Variants in FAAH observed in about 807,000 individuals in gnomAD.
The protein encoded by FAAH is fatty acid amide hydrolase.
Under a neutral mutation model 69.7 loss-of-function variants are expected in FAAH, and 63 were observed. That is an observed-to-expected ratio of 0.90 (90% confidence interval 0.74 to 1.12). The LOEUF is 1.12. Among genes scored for constraint, FAAH ranks in the 50% most tolerant of loss-of-function variants. The pLI, the probability that FAAH is intolerant of heterozygous loss-of-function variation, is 0.00. For synonymous variants in FAAH, 305 were observed against 324.2 expected, an observed-to-expected ratio of 0.94 and a Z score of 0.64; for missense variants, 680 against 755.0, an observed-to-expected ratio of 0.90 and a Z score of 1.16.
chr1:46,407,253 G>A (rs769515825), intron 7 of FAAH, among the ~76,000 whole-genome samples: 1 of 152,062 alleles, frequency 6.6e-6, no homozygotes, highest in African/African-American at 2.4e-5. Context: ...GGAAGGGTGG[G>A]GAGATCTGCT....
intron 1 of FAAH, among the ~76,000 whole-genome samples, chr1:46,398,437 C>T (rs999102841): frequency 6.6e-5 from 10 of 152,170 alleles, no homozygotes; most frequent in African/African-American, 2.4e-4. Flanking sequence ...AAGGGGGCAC[C>T]TGAGATAAGC....
In FAAH at chr1:46,413,092, A is replaced by C. The variant is rs367637501; in HGVS notation, c.1483A>C (p.Met495Leu). The change falls in exon 14 of 15, where the codon ATG becomes CTG. Residue 495 changes from methionine (M) to leucine (L), a missense_variant. Transcript: ENST00000243167. ...TGTTCCAGGGGCCGTCAGCTACACT[A>C]TGCTGTACAACTGCCTGGACTTCCC... Reference protein sequence around the residue: ...GRATGAVSYTMLYNCLDFPAG... With the variant: ...GRATGAVSYTLLYNCLDFPAG... 6.2e-7 allele frequency: 1 copy of C among 1,614,124 alleles called. No homozygotes were observed. Among genetic ancestry groups the C allele is most frequent in the Middle Eastern group, 1.6e-4 (1 of 6,062 alleles).
At chr1:46,398,715 G>A (rs1664644092) in intron 1 of FAAH, among the ~76,000 whole-genome samples, 1 of 151,676 alleles carries the variant, frequency 6.6e-6, no homozygotes, top group South Asian at 2.1e-4. Flanking sequence ...TTGCATTTTT[G>A]GTAGAGACAG....
chr1:46,402,543 G>A (rs1262942488), intron 2 of FAAH, among the ~76,000 whole-genome samples: 7 of 152,056 alleles, frequency 4.6e-5, no homozygotes, highest in East Asian at 1.9e-4. Flanking sequence ...ATGGAGTTTC[G>A]CTCTTGTTGT....
intron 1 of FAAH, among the ~76,000 whole-genome samples, chr1:46,399,189 G>A (rs1228001311): frequency 1.3e-5 from 2 of 152,200 alleles, no homozygotes; most frequent in African/African-American, 4.8e-5. Flanking sequence ...TGGCATTGTG[G>A]TTCAGAAGGA....
At chr1:46,412,118 A>G in intron 12 of FAAH, 25 bp from the exon 13 acceptor site, 1 of 1,547,454 alleles carries the variant, frequency 6.5e-7, no homozygotes, top group East Asian at 2.4e-5. Context: ...GAGTGCTTTC[A>G]CCTGGTGTGT....
Position 46,413,792 on chromosome 1 carries a change from G to A in FAAH, c.*217G>A. 1 of 624,016 alleles carries A rather than the reference G, an allele frequency of 1.6e-6. No homozygotes were observed. The highest frequency in any genetic ancestry group is 2.8e-6 in the Non-Finnish European group (1 of 355,476). The allele number at this position is 624,016 out of a possible 1,614,324, so 38.7% of individuals were successfully genotyped here. On this transcript the variant is annotated 3_prime_UTR_variant, in exon 15 of 15. Transcript: ENST00000243167. ...TTCGTCCTGATCCCTCCACCCCCAT[G>A]TGGCAGCCCATGGGTATGACATAGG...
chr1:46,398,765 C>T (rs56364212), intron 1 of FAAH, among the ~76,000 whole-genome samples: 2,405 of 152,212 alleles, frequency 0.016, 32 homozygotes, highest in Non-Finnish European at 0.022. Flanking sequence ...GAACTCCTGA[C>T]CTCAGGTGAT....
chr1:46,404,932 A>C lies in FAAH; in HGVS notation c.310-82A>C. On this transcript the variant is annotated intron_variant, in intron 2 of 14. Coordinates refer to ENST00000243167, the MANE Select transcript of FAAH (RefSeq NM_001441.3). This position sits in a 1 kb window ranked among gnomAD's most constrained non-coding sequence, Gnocchi z 4.5. ...CTCCCTGGGTATACTTTAAAAGGCC[A>C]GTTCTACATGATGTATATTTCACCA... 1 of 1,594,192 alleles carries C rather than the reference A, an allele frequency of 6.3e-7. No individual in the cohort carries two copies. Among genetic ancestry groups the C allele is most frequent in the Non-Finnish European group, 8.6e-7 (1 of 1,165,336 alleles).
chr1:46,394,434 T>C lies in FAAH; in HGVS notation c.86T>C (p.Leu29Pro). Residue 29 changes from leucine (L) to proline (P), a missense_variant, in exon 1 of 15, where the codon CTG becomes CCG. Transcript: ENST00000243167. ...ACCFVAAAVALRWSGRRTARG... is the reference protein window; with the variant it reads ...ACCFVAAAVAPRWSGRRTARG... ...TGCTTCGTGGCGGCGGCCGTGGCCC[T>C]GCGCTGGTCCGGGCGCCGGACGGCG... 2 of 1,407,992 alleles carry C rather than the reference T, an allele frequency of 1.4e-6. No homozygotes were observed. The highest frequency in any genetic ancestry group is 1.8e-6 in the Non-Finnish European group (2 of 1,087,966). 87.2% of individuals were successfully genotyped at this position (1,407,992 alleles called of 1,614,324 possible).
chr1:46,398,365 G>T (rs148453148), intron 1 of FAAH, among the ~76,000 whole-genome samples: 117 of 152,248 alleles, frequency 7.7e-4, no homozygotes, highest in African/African-American at 2.7e-3. Flanking sequence ...TGATGGGCAG[G>T]TAGGATCTGT....
At chr1:46,397,596 C>T (rs1220207066) in intron 1 of FAAH, among the ~76,000 whole-genome samples, 1 of 152,132 alleles carries the variant, frequency 6.6e-6, no homozygotes, top group African/African-American at 2.4e-5. Flanking sequence ...GAGTCTTGCT[C>T]TGTCGCCCAG....
intron 8 of FAAH, 90 bp from the exon 9 acceptor site, chr1:46,409,011 T>C: frequency 9.3e-7 from 1 of 1,077,676 alleles, no homozygotes; most frequent in Non-Finnish European, 1.4e-6. Context: ...GCAGGGTTGG[T>C]CCAATCCATC....
rs1664884174 is a variant in FAAH, at chr1:46,410,114, C to T, written c.1176-284C>T. 1 of 400,220 alleles carries T rather than the reference C, an allele frequency of 2.5e-6. No individual in the cohort carries two copies. The highest frequency in any genetic ancestry group is 4.6e-6 in the Non-Finnish European group (1 of 215,724). The allele number at this position is 400,220 out of a possible 1,614,324, so 24.8% of individuals were successfully genotyped here. On this transcript the variant is annotated intron_variant, in intron 9 of 14. Coordinates refer to ENST00000243167, the MANE Select transcript of FAAH (RefSeq NM_001441.3). This position sits in a 1 kb window ranked among gnomAD's most constrained non-coding sequence, Gnocchi z 4.9. ...AGGGGAGGTACCCTCAGGGAGGCCT[C>T]ATCAGGGAGATGTTGCCCTCAGTTC...
At chr1:46,406,422 C>T in intron 7 of FAAH, 54 bp downstream of exon 7, 1 of 1,611,566 alleles carries the variant, frequency 6.2e-7, no homozygotes, top group South Asian at 1.1e-5. Context: ...GACAGCCACC[C>T]CAGGCCTTGT....
chr1:46,405,034 G>A lies in FAAH; in HGVS notation c.330G>A (p.Gly110=), dbSNP rs201598101. 6.2e-7 allele frequency: 1 copy of A among 1,614,082 alleles called. No individual in the cohort carries two copies. Among genetic ancestry groups the A allele is most frequent in the Non-Finnish European group, 8.5e-7 (1 of 1,180,038 alleles). The part of the protein sequence containing the change: ...YVGKAWEVNK[G]TNCVTSYLAD... Reference sequence around the variant, plus strand: ...CTCAGGCCTGGGAAGTGAACAAAGGGACCAACTGTGTGACCTCCTATCTGG... The same window carrying A: ...CTCAGGCCTGGGAAGTGAACAAAGGAACCAACTGTGTGACCTCCTATCTGG... Residue 110 remains glycine, a synonymous_variant, in exon 3 of 15, where the codon GGG becomes GGA. Coordinates refer to ENST00000243167, the MANE Select transcript of FAAH (RefSeq NM_001441.3). This position sits in a 1 kb window ranked among gnomAD's most constrained non-coding sequence, Gnocchi z 4.1.
Position 46,413,731 on chromosome 1 carries a change from G to A in FAAH, c.*156G>A. 9.5e-7 allele frequency: 1 copy of A among 1,048,650 alleles called. No individual in the cohort carries two copies. The highest frequency in any genetic ancestry group is 1.4e-6 in the Non-Finnish European group (1 of 708,608). 65.0% of individuals were successfully genotyped at this position (1,048,650 alleles called of 1,614,324 possible). ...CCCCTGCAAGAAGCGCCGACTCCCT[G>A]AGTCTGGACCTCCATCCCTGCTCTG... On this transcript the variant is annotated 3_prime_UTR_variant, in exon 15 of 15. Transcript: ENST00000243167.
Position 46,411,665 on chromosome 1 carries a change from C to T in FAAH, c.1356+14C>T. On this transcript the variant is annotated intron_variant, in intron 12 of 14. Transcript: ENST00000243167. This position sits in a 1 kb window ranked among gnomAD's most constrained non-coding sequence, Gnocchi z 4.8. ...CACGAGATCGAGGTGAGGCCAGAGC[C>T]TCTGGATTGGAGCAGGGTGGTGGGG... 6.2e-7 allele frequency: 1 copy of T among 1,613,868 alleles called. No homozygotes were observed. Among genetic ancestry groups the T allele is most frequent in the Non-Finnish European group, 8.5e-7 (1 of 1,179,892 alleles).
intron 2 of FAAH, among the ~76,000 whole-genome samples, chr1:46,403,136 G>A (rs772800381): frequency 3.4e-5 from 5 of 145,424 alleles, no homozygotes; most frequent in African/African-American, 5.1e-5. Context: ...GCCCGACCCC[G>A]TCTTTTTTTT....
Sources: gnomAD v4.1 joint callset for allele counts (sites outside exome capture counted in the v4.1 genomes callset) on GRCh38, gnomAD v4.1.1 for gene constraint, Gnocchi (gnomAD v3.1) non-coding constraint, MANE v1.5 for transcripts, NCBI Gene and HGNC (gene_info 2026-07-23, HGNC 2026-07-21) for gene names.